COL9A3: variants seen among roughly 807,000 people sequenced by gnomAD.
COL9A3 encodes collagen type IX alpha 3 chain.
A neutral mutation model predicts 110.2 loss-of-function variants in COL9A3; 82 were observed. That is an observed-to-expected ratio of 0.74 (90% CI 0.62 to 0.89). The LOEUF is 0.89. Among genes scored for constraint, COL9A3 ranks in the 40% least tolerant of loss-of-function variants. The pLI is 0.00. For missense variants in COL9A3, 1,066 were observed against 981.3 expected (o/e 1.09, Z -1.15); for synonymous variants, 494 against 403.8 (o/e 1.22, Z -2.68).
intron 31 of COL9A3, among the ~76,000 whole-genome samples, chr20:62,839,208 G>A (rs1429663631): frequency 6.6e-6 from 1 of 150,584 alleles, no homozygotes; most frequent in East Asian, 1.9e-4. Context: ...TTCCAGCCTG[G>A]CGACAGAGCG....
At chr20:62,836,615 G>A (rs768466377) in intron 29 of COL9A3, 83 bp downstream of exon 29, 107 of 1,408,300 alleles carry the variant, frequency 7.6e-5, no homozygotes, top group Non-Finnish European at 9.5e-5. Context: ...GAAAGCCTTC[G>A]TGCCACTGCT....
At chr20:62,830,615 C>T (rs2147217469) in intron 24 of COL9A3, 27 bp downstream of exon 24, 2 of 1,552,908 alleles carry the variant, frequency 1.3e-6, no homozygotes, top group East Asian at 4.6e-5. Context: ...GCAGGAAGCT[C>T]CCCTGCACCC....
At chr20:62,819,592 T>C (rs1338875283) in intron 4 of COL9A3, among the ~76,000 whole-genome samples, 1 of 152,066 alleles carries the variant, frequency 6.6e-6, no homozygotes, top group Non-Finnish European at 1.5e-5. Context: ...CTTAGTCATC[T>C]TGGGCTCCAG....
chr20:62,837,369 A>T, intron 30 of COL9A3, 104 bp downstream of exon 30: 2 of 1,264,046 alleles, frequency 1.6e-6, no homozygotes, highest in Non-Finnish European at 2.2e-6. Context: ...CCTCAGGGGT[A>T]ACCCCTGGAA....
At chr20:62,822,856 A>C (rs2063522341) in intron 10 of COL9A3, among the ~76,000 whole-genome samples, 1 of 151,190 alleles carries the variant, frequency 6.6e-6, no homozygotes, top group African/African-American at 2.4e-5. Flanking sequence ...CTAGACCTGC[A>C]CTGTCCCTCA....
chr20:62,830,442 A>G (rs1477221454), intron 23 of COL9A3, 29 bp downstream of exon 23: 3 of 1,560,318 alleles, frequency 1.9e-6, no homozygotes, highest in East Asian at 2.3e-5. Flanking sequence ...AGGGCCTGGC[A>G]TGGGGGGCGG....
At position 62,829,415 on chromosome 20, in the gene COL9A3, A is replaced by G. The variant is rs575368807; in HGVS notation, c.1009-40A>G. ...CCCTGGGTGCTGCTGCCGGCGTGCA[A>G]TGTAACTGGCAGCCCTGACCGCAAG... On this transcript the variant is annotated intron_variant, in intron 19 of 31. Transcript: ENST00000649368. The G allele has an allele frequency of 1.9e-4, 303 of 1,612,120 alleles. 3 individuals carry two copies. The South Asian group carries it at 2.9e-3, about 15-fold the overall frequency.
chr20:62,839,636 T>A (rs1051977417), intron 31 of COL9A3, among the ~76,000 whole-genome samples: 2 of 150,648 alleles, frequency 1.3e-5, no homozygotes, highest in African/African-American at 4.9e-5. Context: ...CACACTGCTC[T>A]CTGGATGCCC....
intron 17 of COL9A3, among the ~76,000 whole-genome samples, chr20:62,828,441 C>T (rs1195864619): frequency 1.3e-5 from 2 of 152,240 alleles, no homozygotes; most frequent in Non-Finnish European, 2.9e-5. Context: ...CAGGCCTGGC[C>T]TAAGGCCTCA....
At position 62,821,208 on chromosome 20, in the gene COL9A3, G is replaced by A. The variant is rs574865366; in HGVS notation, c.337G>A (p.Gly113Arg). Residue 113 changes from glycine to arginine, a missense_variant, in exon 6 of 32, where the codon GGG becomes AGG. By Grantham distance (125) the Gly-to-Arg change is moderately radical. Coordinates refer to ENST00000649368, the MANE Select transcript of COL9A3 (RefSeq NM_001853.4). ...AAGTCTGGGACCCCCGGGGCCGCCC[G>A]GGCTGGGGGTGAGTATGGAGTGTGG... is the stretch of plus-strand genomic sequence containing the variant. ...RGSLGPPGPP[G>R]LGGKGLPGPP... 1.5e-5 allele frequency: 25 copies of A among 1,613,262 alleles called. No homozygotes were observed. The highest frequency in any genetic ancestry group is 2.2e-5 in the South Asian group (2 of 91,026).
intron 10 of COL9A3, 28 bp from the exon 11 acceptor site, chr20:62,824,417 G>A (rs1188215924): frequency 6.3e-7 from 1 of 1,586,004 alleles, no homozygotes; most frequent in Middle Eastern, 1.7e-4. Context: ...TTGGCTGGGA[G>A]GGGTCTGACT....
At chr20:62,818,383 C>T (rs949213422) in intron 2 of COL9A3, 135 bp from the exon 3 acceptor site, 60 of 854,396 alleles carry the variant, frequency 7.0e-5, no homozygotes, top group Admixed American at 6.2e-4. Flanking sequence ...GGATCGGGGG[C>T]TCAGGGGCCC....
intron 19 of COL9A3, 71 bp from the exon 20 acceptor site, chr20:62,829,384 G>A (rs1209719990): frequency 6.3e-7 from 1 of 1,598,178 alleles, no homozygotes; most frequent in Non-Finnish European, 8.5e-7. Flanking sequence ...CTGCCTGCGT[G>A]CACGCCCCTG....
At chr20:62,835,989 A>G (rs370247399) in intron 27 of COL9A3, 36 bp downstream of exon 27, 41 of 1,614,030 alleles carry the variant, frequency 2.5e-5, no homozygotes, top group Non-Finnish European at 2.9e-5. Flanking sequence ...GACACCATCC[A>G]TGGGCGCCTG....
chr20:62,821,052 C>T, intron 5 of COL9A3, 129 bp from the exon 6 acceptor site: 2 of 962,672 alleles, frequency 2.1e-6, no homozygotes, highest in Non-Finnish European at 3.2e-6. Context: ...GGCCCTGCCC[C>T]TCTGTGAAGT....
chr20:62,827,356 AC>A, intron 16 of COL9A3, 62 bp downstream of exon 16: 1 of 1,557,282 alleles, frequency 6.4e-7, no homozygotes, highest in East Asian at 2.3e-5. Flanking sequence ...TTCCCTCCTG[AC>A]TCGTGCTGGG....
chr20:62,825,661 C>T, intron 12 of COL9A3, 156 bp from the exon 13 acceptor site: 2 of 770,630 alleles, frequency 2.6e-6, no homozygotes, highest in South Asian at 3.0e-5. Context: ...TGCTCTGGAA[C>T]TGTGGGCAAG....
rs772972473 is a variant in COL9A3, at chr20:62,840,040, G to GCCGCACCATGC, written c.1865-488_1865-478dup. On this transcript the variant is annotated intron_variant, in intron 31 of 31. Transcript: ENST00000649368. ...CTTGCTGGTGGACAGCAGCCTCCCG[G>GCCGCACCATGC]CCGCACCATGCCCGCACCATGCCCA... 2.6e-3 allele frequency among the ~76,000 whole-genome samples: 389 copies of GCCGCACCATGC among 151,968 alleles called. 1 individual carries two copies. Among genetic ancestry groups the GCCGCACCATGC allele is most frequent in the Non-Finnish European group, 4.7e-3 (316 of 67,936 alleles).
intron 19 of COL9A3, 128 bp downstream of exon 19, chr20:62,829,104 C>A: frequency 1.9e-6 from 2 of 1,057,372 alleles, no homozygotes; most frequent in Non-Finnish European, 2.7e-6. Context: ...GGCCTGTGTC[C>A]ATCAGGGCCT....
Sources: gnomAD v4.1 joint callset for allele counts (sites outside exome capture counted in the v4.1 genomes callset) on GRCh38, gnomAD v4.1.1 for gene constraint, MANE v1.5 for transcripts, NCBI Gene and HGNC (gene_info 2026-07-23, HGNC 2026-07-21) for gene names.